CASP8: variants seen among roughly 807,000 people sequenced by gnomAD.
CASP8 encodes the protein caspase-8.
Under a neutral mutation model 46.3 loss-of-function variants are expected in CASP8, and 24 were observed. The ratio of observed to expected loss-of-function variants is 0.52; its 90% CI spans 0.38 to 0.73. The LOEUF is 0.73. CASP8 is among the 30% of genes least tolerant of loss of function. The probability of loss-of-function intolerance (pLI) is 0.00; values close to 1 mark genes in which losing one functional copy is unlikely to be tolerated. For missense variants in CASP8, 460 were observed against 559.0 expected (o/e 0.82, Z 1.79); for synonymous variants, 188 against 200.4 (o/e 0.94, Z 0.52).
rs770015896 is a variant in CASP8 at position 201,266,734 on chromosome 2, A to G, written c.248A>G (p.Lys83Arg). 5.6e-6 allele frequency: 9 copies of G among 1,613,986 alleles called. 1 individual carries two copies. The South Asian group carries it at 9.9e-5, about 18-fold the overall frequency. ...DLLITYLNTR[K>R]EEMERELQTP... is the part of the protein sequence containing the mutation. ...CTGATTACCTACCTAAACACTAGAA[A>G]GGAGGAGATGGAAAGGGAACTTCAG... Residue 83 changes from lysine (K) to arginine (R), a missense_variant, in exon 2 of 9, where the codon AAG becomes AGG. Lys to Arg is a conservative substitution (Grantham distance 26). Transcript: ENST00000673742. The surrounding 1 kb of genome is among the most constrained non-coding windows in gnomAD (Gnocchi z 5.7).
Position 201,286,327 on chromosome 2 carries a change from G to A in CASP8, c.1305-132G>A, listed in dbSNP as rs182629853. 1.3e-4 allele frequency: 144 copies of A among 1,144,714 alleles called. 1 individual carries two copies. The highest frequency in any genetic ancestry group is 9.0e-4 in the Middle Eastern group (4 of 4,448). The allele number at this position is 1,144,714 out of a possible 1,614,324, so 70.9% of individuals were successfully genotyped here. On this transcript the variant is annotated intron_variant, in intron 8 of 8. Coordinates refer to ENST00000673742, the MANE Select transcript of CASP8 (RefSeq NM_001372051.1). The stretch of plus-strand genomic sequence containing the variant: ...GAAAGCTGGGGTAGGTCTTGGTTTC[G>A]CACCTTATTGTTTCAAATGACTGAT...
intron 5 of CASP8, 103 bp downstream of exon 5, chr2:201,273,045 T>A: frequency 1.1e-6 from 1 of 905,994 alleles, no homozygotes; most frequent in Non-Finnish European, 1.7e-6. Flanking sequence ...TTAACGTGCC[T>A]GCTCTACTTT....
At chr2:201,283,139 A>T (rs1949237312) in intron 7 of CASP8, among the ~76,000 whole-genome samples, 1 of 49,410 alleles carries the variant, frequency 2.0e-5, no homozygotes, top group Non-Finnish European at 4.6e-5. Flanking sequence ...GGCCGGGCAG[A>T]GGGGCTCCTC....
chr2:201,276,570 A>C (rs529146459), intron 6 of CASP8, among the ~76,000 whole-genome samples: 1 of 152,324 alleles, frequency 6.6e-6, no homozygotes, highest in African/African-American at 2.4e-5. Context: ...CAATAATACA[A>C]TGTGATGACA....
chr2:201,281,090 G>A (rs1405433792), intron 7 of CASP8, among the ~76,000 whole-genome samples: 2 of 152,096 alleles, frequency 1.3e-5, no homozygotes, highest in Non-Finnish European at 1.5e-5. Context: ...AAGGTGGGTG[G>A]GTCACTTGAG....
intron 7 of CASP8, 189 bp downstream of exon 7, chr2:201,277,157 T>C (rs1312364516): frequency 2.0e-6 from 1 of 489,870 alleles, no homozygotes; most frequent in Non-Finnish European, 3.6e-6. Context: ...TAAAAATTAA[T>C]TTTTTAAATA....
chr2:201,253,458 A>G (rs550870320), intron 2 of CASP8, among the ~76,000 whole-genome samples: 22 of 151,976 alleles, frequency 1.4e-4, no homozygotes, highest in Non-Finnish European at 3.1e-4. Context: ...CCCTGAGACC[A>G]AAAAATGTTA....
chr2:201,278,538 T>A (rs1439591553), intron 7 of CASP8, among the ~76,000 whole-genome samples: 1 of 152,086 alleles, frequency 6.6e-6, no homozygotes, highest in Non-Finnish European at 1.5e-5. Context: ...ACTGTATTTT[T>A]TCTTTTTTTT....
At chr2:201,269,429 TA>T (rs1219129016) in intron 2 of CASP8, 21 of 854,270 alleles carry the variant, frequency 2.5e-5, no homozygotes, top group Non-Finnish European at 3.9e-5. Context: ...AGGCGCCAGT[TA>T]GTCCTAAAAA....
intron 2 of CASP8, among the ~76,000 whole-genome samples, chr2:201,245,198 T>C (rs1178490327): frequency 1.3e-5 from 2 of 152,086 alleles, no homozygotes; most frequent in Non-Finnish European, 1.5e-5. Context: ...AGATCTGAAA[T>C]TGTGTCACCG....
At chr2:201,239,308 C>A (rs867478074) in intron 2 of CASP8, among the ~76,000 whole-genome samples, 2 of 152,100 alleles carry the variant, frequency 1.3e-5, no homozygotes, top group South Asian at 4.1e-4. Flanking sequence ...GGGTGGTGGC[C>A]GGGCAGAGGG....
At chr2:201,260,429 C>A, upstream of CASP8, 1 of 514,176 alleles carries the variant, frequency 1.9e-6, no homozygotes, top group Non-Finnish European at 2.5e-6. Context: ...AGGCACTCTG[C>A]TCACTCAGGG....
At chr2:201,263,338 C>T (rs1481246527) in intron 1 of CASP8, among the ~76,000 whole-genome samples, 1 of 152,054 alleles carries the variant, frequency 6.6e-6, no homozygotes, top group Non-Finnish European at 1.5e-5. Flanking sequence ...TAAATTATAG[C>T]CCATCTCTAA....
intron 7 of CASP8, among the ~76,000 whole-genome samples, chr2:201,279,429 C>G (rs1439337169): frequency 6.6e-6 from 1 of 152,216 alleles, no homozygotes; most frequent in African/African-American, 2.4e-5. Flanking sequence ...GCAGCAGATA[C>G]AGACTTACCT....
In CASP8 at chr2:201,274,899, G is replaced by C. The variant is rs769315372; in HGVS notation, c.606G>C (p.Leu202Phe). Residue 202 changes from leucine (L) to phenylalanine (F), a missense_variant, in exon 6 of 9, where the codon TTG (leucine) becomes TTC (phenylalanine). By Grantham distance (22) the Leu-to-Phe change is conservative (BLOSUM62 0). Coordinates refer to ENST00000673742, the MANE Select transcript of CASP8 (RefSeq NM_001372051.1). ...CTTCGTTGTTTGCAGGGGAGGAGTT[G>C]TGTGGGGTAATGACAATCTCGGACT... is the stretch of plus-strand genomic sequence containing the variant. Reference protein sequence around the residue: ...SPDEFSNGEELCGVMTISDSP... With the variant: ...SPDEFSNGEEFCGVMTISDSP... The C allele has an allele frequency of 1.2e-6, 2 of 1,613,088 alleles. No homozygotes were observed. Among genetic ancestry groups the C allele is most frequent in the Non-Finnish European group, 1.7e-6 (2 of 1,179,214 alleles).
At chr2:201,276,413 T>A (rs1188708683) in intron 6 of CASP8, among the ~76,000 whole-genome samples, 1 of 152,146 alleles carries the variant, frequency 6.6e-6, no homozygotes, top group Non-Finnish European at 1.5e-5. Context: ...GAATCACAAG[T>A]CATGGCGTGG....
intron 5 of CASP8, among the ~76,000 whole-genome samples, chr2:201,273,324 G>A (rs1948413428): frequency 6.6e-6 from 1 of 152,186 alleles, no homozygotes; most frequent in African/African-American, 2.4e-5. Flanking sequence ...CTCCCAAAGT[G>A]CTGGGATTAC....
At chr2:201,265,391 A>AT (rs1553601969) in intron 1 of CASP8, among the ~76,000 whole-genome samples, 2 of 147,582 alleles carry the variant, frequency 1.4e-5, no homozygotes, top group Non-Finnish European at 3.0e-5. Flanking sequence ...AAAAAAAAAA[A>AT]CGAAAACTAA....
chr2:201,251,657 C>G (rs1258807899), intron 2 of CASP8, among the ~76,000 whole-genome samples: 1 of 150,732 alleles, frequency 6.6e-6, no homozygotes, highest in East Asian at 1.9e-4. Context: ...AATCTCAGCA[C>G]TTTGGGAGGC....
Sources: allele counts gnomAD v4.1 joint callset (sites outside exome capture counted in the v4.1 genomes callset), GRCh38; gene constraint gnomAD v4.1.1; non-coding constraint Gnocchi (gnomAD v3.1); transcripts MANE v1.5; gene names NCBI Gene and HGNC (gene_info 2026-07-23, HGNC 2026-07-21).